Variants in ZNF28 observed in about 807,000 individuals in gnomAD.
ZNF28 encodes zinc finger protein KOX24.
Under a neutral mutation model 7.2 loss-of-function variants are expected in ZNF28, and 5 were observed. The observed-to-expected ratio is 0.70, with a 90% CI of 0.36 to 1.46. ZNF28 has a LOEUF of 1.46. Ranked by LOEUF, ZNF28 falls within the 40% of genes most tolerant of loss-of-function variation. The pLI is 0.03. For missense variants in ZNF28, 879 were observed against 866.6 expected, an observed-to-expected ratio of 1.01 and a Z score of -0.18; for synonymous variants, 288 against 292.4, an observed-to-expected ratio of 0.99 and a Z score of 0.15.
chr19:52,816,133 A>G lies in ZNF28; in HGVS notation c.15+1811T>C, dbSNP rs1316053051. Among the ~76,000 whole-genome samples the G allele has an allele frequency of 9.5e-5, 14 of 147,518 alleles. 2 individuals are homozygous for G. Among genetic ancestry groups the G allele is most frequent in the Admixed American group, 6.1e-4 (9 of 14,710 alleles). ...ATGTGACAGGGAAAGGAGATGCCTT[A>G]TGGCAAAGGGTCTAAGCTGCAGCTT... On this transcript the variant is annotated intron_variant, in intron 2 of 3. Transcript: ENST00000457749.
chr19:52,801,709 A>C lies in ZNF28; in HGVS notation c.143-7T>G, dbSNP rs763390363. ...ATGCATTTGGAAGAGATATCTACAA[A>C]ATATAAACACCAATAGGTTTCCAAT... On this transcript the variant is annotated splice_polypyrimidine_tract_variant and splice_region_variant and intron_variant, in intron 3 of 3. Coordinates refer to ENST00000457749, the MANE Select transcript of ZNF28 (RefSeq NM_006969.5). 4.4e-6 allele frequency: 7 copies of C among 1,608,650 alleles called. No individual in the cohort carries two copies. In the Admixed American group the frequency reaches 8.5e-5, roughly 19 times the overall value.
In ZNF28 at chr19:52,806,418, T is replaced by C. The variant is rs999428650; in HGVS notation, c.142+1589A>G. On this transcript the variant is annotated intron_variant, in intron 3 of 3. Coordinates refer to ENST00000457749, the MANE Select transcript of ZNF28 (RefSeq NM_006969.5). ...CATGTTAACCAGGCTAGTTTTGAAC[T>C]CCTGACTTCAGGTGATATGCCCATC... Among the ~76,000 whole-genome samples the C allele has an allele frequency of 3.3e-5, 5 of 152,192 alleles. 1 individual carries two copies. Among genetic ancestry groups the C allele is most frequent in the Admixed American group, 3.3e-4 (5 of 15,286 alleles).
chr19:52,818,529 ATGGTGAAACCC>A (rs144237029), intron 1 of ZNF28, among the ~76,000 whole-genome samples: 16,015 of 151,980 alleles, frequency 0.11, 1,252 homozygotes, highest in African/African-American at 0.2. Flanking sequence ...CCTGGCCAAC[ATGGTGAAACCC>A]TGTCTCTACT....
intron 3 of ZNF28, among the ~76,000 whole-genome samples, chr19:52,802,961 C>G (rs951379488): frequency 6.6e-6 from 1 of 152,086 alleles, no homozygotes; most frequent in African/African-American, 2.4e-5. Flanking sequence ...CAGGGTTTCA[C>G]TGTGTTAGCC....
At chr19:52,812,819 C>T (rs896618360) in intron 2 of ZNF28, among the ~76,000 whole-genome samples, 14 of 141,416 alleles carry the variant, frequency 9.9e-5, no homozygotes, top group Admixed American at 2.8e-4. Flanking sequence ...GAGTGGCATG[C>T]TTGGATGACA....
At chr19:52,817,104 G>A (rs1214095728) in intron 2 of ZNF28, among the ~76,000 whole-genome samples, 2 of 152,118 alleles carry the variant, frequency 1.3e-5, no homozygotes, top group African/African-American at 4.8e-5. Context: ...CAGGAACGGT[G>A]GCTCACGCTT....
intron 2 of ZNF28, among the ~76,000 whole-genome samples, chr19:52,811,868 G>A (rs1163821861): frequency 4.6e-5 from 6 of 129,304 alleles, no homozygotes; most frequent in Non-Finnish European, 6.6e-5. Context: ...CCGGCCAGCC[G>A]CCCCGTCCGG....
In ZNF28 at chr19:52,800,050, T is replaced by C. The variant is rs940322994; in HGVS notation, c.1795A>G (p.Arg599Gly). The C allele has an allele frequency of 1.2e-6, 2 of 1,614,190 alleles. No individual in the cohort carries two copies. The highest frequency in any genetic ancestry group is 4.5e-5 in the East Asian group (2 of 44,882). Residue 599 changes from arginine to glycine, a missense_variant, in exon 4 of 4, where the codon AGA becomes GGA. By Grantham distance (125) the Arg-to-Gly change is moderately radical (BLOSUM62 -2). Transcript: ENST00000457749. ...TAAGGTTTCTCTCCAGTATGAACTC[T>C]CTGATGTTGTGCCAGGTGTGAATCC... is the stretch of plus-strand genomic sequence containing the variant. ...RRDSHLAQHQRVHTGEKPYKC... is the reference protein window; with the variant it reads ...RRDSHLAQHQGVHTGEKPYKC...
intron 3 of ZNF28, among the ~76,000 whole-genome samples, chr19:52,807,262 A>G (rs2062948777): frequency 6.6e-6 from 1 of 152,168 alleles, no homozygotes; most frequent in Admixed American, 6.5e-5. Flanking sequence ...CTAGAGTCCC[A>G]GCCCTATGTT....
chr19:52,815,466 G>A lies in ZNF28; in HGVS notation c.15+2478C>T, dbSNP rs962684818. Among the ~76,000 whole-genome samples, 13 of 145,532 alleles carry A rather than the reference G, an allele frequency of 8.9e-5. 1 individual carries two copies. Among genetic ancestry groups the A allele is most frequent in the African/African-American group, 3.0e-4 (11 of 37,174 alleles). Reference sequence around the variant, plus strand: ...CGGGAGGTAGAGGTTGCAGTGAGCCGAGATCATGCCATAATACTCCAGTCT... The same window carrying A: ...CGGGAGGTAGAGGTTGCAGTGAGCCAAGATCATGCCATAATACTCCAGTCT... On this transcript the variant is annotated intron_variant, in intron 2 of 3. Transcript: ENST00000457749.
At chr19:52,809,819 C>T (rs1381709072) in intron 2 of ZNF28, 13 of 524,858 alleles carry the variant, frequency 2.5e-5, no homozygotes, top group South Asian at 2.3e-5. Context: ...GTCTGAGCGG[C>T]GAAGGCGGCG....
In ZNF28 at chr19:52,798,844, A is replaced by G. The variant is rs1047866221; in HGVS notation, c.*844T>C. The G allele has an allele frequency of 1.8e-5, 21 of 1,157,458 alleles. No individual in the cohort carries two copies. Among genetic ancestry groups the G allele is most frequent in the South Asian group, 2.5e-5 (2 of 80,600 alleles). The allele number at this position is 1,157,458 out of a possible 1,614,324, so 71.7% of individuals were successfully genotyped here. On this transcript the variant is annotated 3_prime_UTR_variant, in exon 4 of 4. Transcript: ENST00000457749. ...TACTGAAAACTTTGTGACAATCATTATATTAGTCAAGTTTCCCTATACTAT... is the reference window on the plus strand; with the variant it reads ...TACTGAAAACTTTGTGACAATCATTGTATTAGTCAAGTTTCCCTATACTAT...
chr19:52,815,282 G>GA (rs1387342093), intron 2 of ZNF28, among the ~76,000 whole-genome samples: 1 of 144,574 alleles, frequency 6.9e-6, no homozygotes, highest in Non-Finnish European at 1.5e-5. Flanking sequence ...TTGGGAGGCT[G>GA]AGGCTGCTGG....
Position 52,800,249 on chromosome 19 carries a change from A to G in ZNF28, c.1596T>C (p.Phe532=), listed in dbSNP as rs2062846148. ...PYMCNECGKV[F]STKANLACHH... ...GACATGCAAGGTTTGCTTTTGTACT[A>G]AAAACCTTGCCACATTCATTACACA... The change falls in exon 4 of 4, where the codon TTT becomes TTC. Residue 532 remains phenylalanine (F), a synonymous_variant. Transcript: ENST00000457749. 2 of 1,612,900 alleles carry G rather than the reference A, an allele frequency of 1.2e-6. No individual in the cohort carries two copies. The highest frequency in any genetic ancestry group is 1.7e-5 in the Admixed American group (1 of 59,940).
intron 1 of ZNF28, among the ~76,000 whole-genome samples, chr19:52,818,728 CA>C (rs1159668346): frequency 4.0e-5 from 6 of 151,156 alleles, no homozygotes; most frequent in East Asian, 2.0e-4. Flanking sequence ...AATACAAATA[CA>C]AAAATTAGCA....
chr19:52,814,278 A>G (rs1201965257), intron 2 of ZNF28: 1 of 145,930 alleles, frequency 6.9e-6, no homozygotes, highest in Non-Finnish European at 1.5e-5. Flanking sequence ...ATGTTTAAAT[A>G]TAACCATATA....
At chr19:52,810,280 T>G in intron 2 of ZNF28, 2 of 1,449,652 alleles carry the variant, frequency 1.4e-6, no homozygotes, top group Non-Finnish European at 9.7e-7. Flanking sequence ...ATCACGTCCA[T>G]TGAGGAGAAG....
In ZNF28 at chr19:52,799,685, C is replaced by CTTTTAAGG. The variant is rs771973805; in HGVS notation, c.*2_*3insCCTTAAAA. On this transcript the variant is annotated 3_prime_UTR_variant, in exon 4 of 4. Transcript: ENST00000457749. ...TGAAGGTCTTGCCACACTCATTACA[C>CTTTTAAGG]TTTCAAGGTTTCTCTCCACTATGAA... 1 of 1,217,960 alleles carries CTTTTAAGG rather than the reference C, an allele frequency of 8.2e-7. No individual in the cohort carries two copies. The highest frequency in any genetic ancestry group is 2.1e-5 in the Admixed American group (1 of 47,726). The allele number at this position is 1,217,960 out of a possible 1,614,324, so 75.4% of individuals were successfully genotyped here.
At chr19:52,810,435 T>A in intron 2 of ZNF28, 1 of 1,600,672 alleles carries the variant, frequency 6.2e-7, no homozygotes, top group Non-Finnish European at 8.6e-7. Context: ...TCCCAAAGGG[T>A]TTGCATATAT....
Sources: gnomAD v4.1 joint callset for allele counts (sites outside exome capture counted in the v4.1 genomes callset) on GRCh38, gnomAD v4.1.1 for gene constraint, MANE v1.5 for transcripts, NCBI Gene and HGNC (gene_info 2026-07-23, HGNC 2026-07-21) for gene names.